PDS5B: variants seen among roughly 807,000 people sequenced by gnomAD.
The protein encoded by PDS5B is sister chromatid cohesion protein PDS5 homolog B.
Under a neutral mutation model 184.1 loss-of-function variants are expected in PDS5B, and 51 were observed. The observed-to-expected ratio is 0.28, with a 90% confidence interval of 0.22 to 0.35. The LOEUF is 0.35. Ranked by LOEUF, PDS5B falls within the 10% of genes least tolerant of loss-of-function variation. The pLI is 1.00. For missense variants in PDS5B, 1,180 were observed against 1,723.3 expected (o/e 0.68, Z 5.58); for synonymous variants, 566 against 569.2 (o/e 0.99, Z 0.08).
In PDS5B at chr13:32,770,165, A is replaced by G. The variant is rs367830467; in HGVS notation, c.3669A>G (p.Thr1223=). Residue 1223 remains threonine (T), a synonymous_variant, in exon 32 of 35, where the codon ACA becomes ACG. Coordinates refer to ENST00000315596, the MANE Select transcript of PDS5B (RefSeq NM_015032.4). The stretch of plus-strand genomic sequence containing the variant: ...GAGGCAGGAAAAAAACGCCCGTCAC[A>G]GAACAGGAGGAGAAATTAGGTATGG... ...KPRGRKKTPV[T]EQEEKLGMDD... 1.2e-5 allele frequency: 20 copies of G among 1,613,790 alleles called. No homozygotes were observed. The Middle Eastern group carries it at 4.9e-4, about 40-fold the overall frequency.
intron 17 of PDS5B, among the ~76,000 whole-genome samples, chr13:32,703,637 A>G (rs1446452625): frequency 6.6e-6 from 1 of 152,184 alleles, no homozygotes; most frequent in Non-Finnish European, 1.5e-5. Context: ...AAACCTAGGA[A>G]GTCTGTCTCT....
At chr13:32,632,990 A>C (rs373925244) in intron 1 of PDS5B, among the ~76,000 whole-genome samples, 3 of 152,288 alleles carry the variant, frequency 2.0e-5, no homozygotes, top group African/African-American at 7.2e-5. Context: ...GGTCCCAGCT[A>C]CTCAAAAGAA....
intron 1 of PDS5B, among the ~76,000 whole-genome samples, chr13:32,595,036 A>G (rs2057837779): frequency 6.6e-6 from 1 of 151,996 alleles, no homozygotes; most frequent in African/African-American, 2.4e-5. Context: ...ATTCTCCTGA[A>G]TTTCCCATCT....
intron 30 of PDS5B, among the ~76,000 whole-genome samples, chr13:32,762,014 C>T (rs1421455853): frequency 3.3e-5 from 5 of 152,040 alleles, no homozygotes; most frequent in African/African-American, 9.7e-5. Flanking sequence ...TGATGTGAGA[C>T]GGTATCTCGT....
chr13:32,604,818 A>C (rs2058035055), intron 1 of PDS5B, among the ~76,000 whole-genome samples: 1 of 152,212 alleles, frequency 6.6e-6, no homozygotes, highest in African/African-American at 2.4e-5. Context: ...GTATGTGTCC[A>C]GGAATTTATC....
intron 1 of PDS5B, among the ~76,000 whole-genome samples, chr13:32,601,517 T>G (rs1430731449): frequency 1.3e-5 from 2 of 152,224 alleles, no homozygotes; most frequent in Non-Finnish European, 2.9e-5. Flanking sequence ...TTCCTCTTTA[T>G]TGGCAGCAAC....
At chr13:32,608,669 G>T (rs1198763551) in intron 1 of PDS5B, among the ~76,000 whole-genome samples, 2 of 152,116 alleles carry the variant, frequency 1.3e-5, no homozygotes, top group East Asian at 3.9e-4. Context: ...AACCTGCATT[G>T]TTGTCTCACT....
chr13:32,609,426 T>C (rs1409290031), intron 1 of PDS5B, among the ~76,000 whole-genome samples: 2 of 152,246 alleles, frequency 1.3e-5, no homozygotes, highest in Non-Finnish European at 2.9e-5. Context: ...GTAGTTGTTA[T>C]CTGTAATTAC....
At position 32,658,927 on chromosome 13, in the gene PDS5B, G is replaced by A. The variant is rs570544176; in HGVS notation, c.498-227G>A. Among the ~76,000 whole-genome samples the A allele has an allele frequency of 2.4e-5, 3 of 126,606 alleles. No homozygotes were observed. The East Asian group carries it at 5.9e-4, about 25-fold the overall frequency. The allele number at this position is 126,606 out of a possible 152,430, so 83.1% of individuals were successfully genotyped here. A position where few individuals can be genotyped will look rare whatever the true frequency, so the allele number is the denominator to read the frequency against. On this transcript the variant is annotated intron_variant, in intron 5 of 34. Coordinates refer to ENST00000315596, the MANE Select transcript of PDS5B (RefSeq NM_015032.4). ...TTTTGATGTAATTACTTTTGATTGTGAGACTGGTTAAAAATTAGGGAAAAA... is the reference window on the plus strand; with the variant it reads ...TTTTGATGTAATTACTTTTGATTGTAAGACTGGTTAAAAATTAGGGAAAAA...
chr13:32,639,546 C>T (rs1000245991), intron 1 of PDS5B, among the ~76,000 whole-genome samples: 2 of 152,170 alleles, frequency 1.3e-5, no homozygotes, highest in African/African-American at 4.8e-5. Context: ...ACAGGGCTTT[C>T]AAGTTGTATG....
At chr13:32,678,732 A>G (rs1014723989) in intron 9 of PDS5B, 103 bp from the exon 10 acceptor site, 5 of 692,690 alleles carry the variant, frequency 7.2e-6, no homozygotes, top group Non-Finnish European at 1.2e-5. Context: ...TTCCTTCATA[A>G]ACTGTTTTTT....
At chr13:32,659,330 G>C in intron 6 of PDS5B, 50 bp downstream of exon 6, 1 of 1,387,210 alleles carries the variant, frequency 7.2e-7, no homozygotes, top group Non-Finnish European at 9.6e-7. Context: ...TAATATTAAG[G>C]CTTAAAATTT....
intron 1 of PDS5B, among the ~76,000 whole-genome samples, chr13:32,592,893 A>G (rs2057798658): frequency 6.6e-6 from 1 of 152,220 alleles, no homozygotes; most frequent in Non-Finnish European, 1.5e-5. Context: ...ACCTAATCTT[A>G]CTAAATCTCA....
Position 32,685,335 on chromosome 13 carries a change from G to C in PDS5B, c.1203+1312G>C, listed in dbSNP as rs116909087. Among the ~76,000 whole-genome samples the C allele has an allele frequency of 1.3e-4, 20 of 152,364 alleles. No homozygotes were observed. The East Asian group carries it at 3.9e-3, about 29-fold the overall frequency. On this transcript the variant is annotated intron_variant, in intron 11 of 34. Coordinates refer to ENST00000315596, the MANE Select transcript of PDS5B (RefSeq NM_015032.4). ...AGTGAAAAGGGCCAAAAGGCATGAAGAGGGAAAGGATATTTGCATTGTTCA... is the reference window on the plus strand; with the variant it reads ...AGTGAAAAGGGCCAAAAGGCATGAACAGGGAAAGGATATTTGCATTGTTCA...
chr13:32,591,515 TAAG>T (rs2057775591), intron 1 of PDS5B, among the ~76,000 whole-genome samples: 1 of 152,190 alleles, frequency 6.6e-6, no homozygotes, highest in African/African-American at 2.4e-5. Context: ...TAAGAAATAA[TAAG>T]AATATTTTAT....
chr13:32,770,794 T>C (rs1300895726), intron 33 of PDS5B, 33 bp downstream of exon 33: 2 of 1,500,178 alleles, frequency 1.3e-6, no homozygotes, highest in African/African-American at 1.4e-5. Context: ...CAAACCAATT[T>C]CAAATTATTT....
rs1003852248 is a variant in PDS5B, at chr13:32,709,972, A to G, written c.1989A>G (p.Ser663=). ...LKVLSFTHPI[S]FHSAETFESL... ...TACTCTCATTTACACATCCCATCTC[A>G]TTTCATTCTGCTGAAACATTTGAAT... The change falls in exon 19 of 35, where the codon TCA becomes TCG. Residue 663 remains serine, a synonymous_variant. Transcript: ENST00000315596. The G allele has an allele frequency of 1.3e-6, 2 of 1,485,882 alleles. No homozygotes were observed. The highest frequency in any genetic ancestry group is 2.7e-5 in the African/African-American group (2 of 72,782). The allele number at this position is 1,485,882 out of a possible 1,614,324, so 92.0% of individuals were successfully genotyped here.
At chr13:32,769,096 C>G (rs780955787) in intron 31 of PDS5B, among the ~76,000 whole-genome samples, 8 of 151,872 alleles carry the variant, frequency 5.3e-5, no homozygotes, top group Non-Finnish European at 1.0e-4. Context: ...GCACTCCAGC[C>G]TGGGTGACAG....
intron 33 of PDS5B, 171 bp downstream of exon 33, chr13:32,770,932 T>G (rs1180746172): frequency 8.3e-6 from 5 of 602,788 alleles, no homozygotes; most frequent in Non-Finnish European, 1.5e-5. Context: ...CAATAAACTA[T>G]CTTGTACATT....
Sources: allele counts gnomAD v4.1 joint callset (sites outside exome capture counted in the v4.1 genomes callset), GRCh38; gene constraint gnomAD v4.1.1; transcripts MANE v1.5; gene names NCBI Gene and HGNC (gene_info 2026-07-23, HGNC 2026-07-21).